Variants in PCDHA6 observed in about 807,000 individuals in gnomAD.
PCDHA6 encodes the protein protocadherin alpha 6.
Under a neutral mutation model 60.3 loss-of-function variants are expected in PCDHA6, and 55 were observed. The observed-to-expected ratio is 0.91, with a 90% CI of 0.73 to 1.14. The LOEUF (loss-of-function observed/expected upper bound fraction) is 1.14. Among genes scored for constraint, PCDHA6 ranks in the 50% most tolerant of loss-of-function variants. The pLI, the probability that PCDHA6 is intolerant of heterozygous loss-of-function variation, is 0.00. For missense variants in PCDHA6, 1,327 were observed against 1,256.5 expected (o/e 1.06, Z -0.85); for synonymous variants, 652 against 557.9 (o/e 1.17, Z -2.38).
chr5:140,979,081 G>A, intron 2 of PCDHA6, 74 bp downstream of exon 2: 1 of 1,564,866 alleles, frequency 6.4e-7, no homozygotes, highest in South Asian at 1.2e-5. Flanking sequence ...CATCTCCATA[G>A]GCCAGAAGCA....
intron 1 of PCDHA6, chr5:140,928,453 T>G (rs528077853): frequency 1.9e-6 from 3 of 1,613,888 alleles, no homozygotes; most frequent in African/African-American, 2.7e-5. Flanking sequence ...GCTCAGGGGG[T>G]TTCATTTCCA....
At chr5:140,974,647 G>GATT (rs2096635431) in intron 1 of PCDHA6, among the ~76,000 whole-genome samples, 1 of 152,068 alleles carries the variant, frequency 6.6e-6, no homozygotes, top group African/African-American at 2.4e-5. Context: ...GAGTAGCTGA[G>GATT]ATTACAGGCA....
At chr5:140,850,070 C>T (rs2041326470) in intron 1 of PCDHA6, 3 of 1,596,448 alleles carry the variant, frequency 1.9e-6, no homozygotes, top group Admixed American at 1.7e-5. Context: ...CGTTGGACCA[C>T]GAGGAGCTGG....
chr5:140,967,364 C>T, intron 1 of PCDHA6: 2 of 1,607,620 alleles, frequency 1.2e-6, no homozygotes, highest in Non-Finnish European at 1.7e-6. Flanking sequence ...CCTTAAGCCC[C>T]TGCAGGAGAA....
At chr5:140,909,025 T>C (rs1226589511) in intron 1 of PCDHA6, among the ~76,000 whole-genome samples, 1 of 152,156 alleles carries the variant, frequency 6.6e-6, no homozygotes, top group African/African-American at 2.4e-5. Context: ...TGAATTTTAG[T>C]CATTTATTTT....
intron 1 of PCDHA6, among the ~76,000 whole-genome samples, chr5:140,899,014 T>C (rs2067098044): frequency 6.6e-6 from 1 of 151,934 alleles, no homozygotes. Context: ...TGTATAAGAA[T>C]GCTTGTGATT....
chr5:140,969,401 T>A, intron 1 of PCDHA6: 1 of 1,579,566 alleles, frequency 6.3e-7, no homozygotes, highest in Non-Finnish European at 8.6e-7. Flanking sequence ...ATCCTGTGAT[T>A]TGGCTTTATT....
chr5:140,985,465 A>T (rs1195143465), intron 3 of PCDHA6, among the ~76,000 whole-genome samples: 1 of 152,126 alleles, frequency 6.6e-6, no homozygotes, highest in Non-Finnish European at 1.5e-5. Flanking sequence ...TGCTCCAAAA[A>T]ATTTGGTTGT....
chr5:140,958,911 G>C (rs1458386566), intron 1 of PCDHA6, among the ~76,000 whole-genome samples: 3 of 151,406 alleles, frequency 2.0e-5, no homozygotes, highest in African/African-American at 7.3e-5. Flanking sequence ...AGAAAAGTCT[G>C]CCTGGGTGTG....
At chr5:140,920,425 C>T (rs1444166830) in intron 1 of PCDHA6, among the ~76,000 whole-genome samples, 1 of 151,960 alleles carries the variant, frequency 6.6e-6, no homozygotes, top group Non-Finnish European at 1.5e-5. Flanking sequence ...GCTGTTCTCC[C>T]ACACACCTCT....
intron 1 of PCDHA6, among the ~76,000 whole-genome samples, chr5:140,909,701 T>A (rs1038404823): frequency 4.6e-4 from 70 of 152,334 alleles, no homozygotes; most frequent in African/African-American, 1.6e-3. Flanking sequence ...TTCTGCTAGC[T>A]GCTAAGTATA....
intron 1 of PCDHA6, among the ~76,000 whole-genome samples, chr5:140,941,034 G>A (rs1384147296): frequency 6.6e-6 from 1 of 151,968 alleles, no homozygotes; most frequent in Non-Finnish European, 1.5e-5. Context: ...GGCCTTTTTG[G>A]TGCCAAGTCA....
rs2060245016 is a variant in PCDHA6 at position 140,884,536 on chromosome 5, G to C, written c.2394+54051G>C. 5 of 1,614,090 alleles carry C rather than the reference G, an allele frequency of 3.1e-6. No individual in the cohort carries two copies. In the East Asian group the frequency reaches 1.1e-4, roughly 36 times the overall value. ...GGTCGTACTCGCAGCAGAGGCGGCC[G>C]AGGGTGTGCTCTGGGGAGGGCCCGC... On this transcript the variant is annotated intron_variant, in intron 1 of 3. Transcript: ENST00000529310.
chr5:140,856,891 C>G (rs1432277991), intron 1 of PCDHA6: 3 of 1,595,930 alleles, frequency 1.9e-6, no homozygotes, highest in African/African-American at 2.7e-5. Context: ...ATTCATTTAG[C>G]TCTTTGGTCC....
intron 1 of PCDHA6, chr5:140,882,175 G>T: frequency 6.6e-7 from 1 of 1,515,152 alleles, no homozygotes; most frequent in Non-Finnish European, 8.8e-7. Flanking sequence ...GAATCCTTCC[G>T]CACTAGGAAG....
chr5:140,934,706 T>G (rs141577289), intron 1 of PCDHA6, among the ~76,000 whole-genome samples: 348 of 152,292 alleles, frequency 2.3e-3, no homozygotes, highest in African/African-American at 8.1e-3. Context: ...CCTGGCCATC[T>G]TACAAAAAGG....
chr5:140,836,316 C>T (rs2150257543), intron 1 of PCDHA6: 5 of 1,613,630 alleles, frequency 3.1e-6, no homozygotes, highest in Non-Finnish European at 4.2e-6. Context: ...CGCACCGCGC[C>T]ACCGCCTTCT....
chr5:140,928,790 G>GGGT, intron 1 of PCDHA6: 2 of 1,614,176 alleles, frequency 1.2e-6, no homozygotes, highest in Non-Finnish European at 1.7e-6. Context: ...GTTAAGCAGA[G>GGGT]GGTGGTGGTA....
chr5:140,834,580 C>A lies in PCDHA6; in HGVS notation c.2394+4095C>A, dbSNP rs782011323. 9 of 1,613,900 alleles carry A rather than the reference C, an allele frequency of 5.6e-6. No homozygotes were observed. The Admixed American group carries it at 8.3e-5, about 15-fold the overall frequency. Reference sequence around the variant, plus strand: ...GAGCTGGTGCCGCGCCTGTTCCGGGCGGTGTGCAAATTCCGTGGGGATCTT... The same window carrying A: ...GAGCTGGTGCCGCGCCTGTTCCGGGAGGTGTGCAAATTCCGTGGGGATCTT... On this transcript the variant is annotated intron_variant, in intron 1 of 3. Coordinates refer to ENST00000529310, the MANE Select transcript of PCDHA6 (RefSeq NM_018909.4).
Sources: gnomAD v4.1 joint callset for allele counts (sites outside exome capture counted in the v4.1 genomes callset) on GRCh38, gnomAD v4.1.1 for gene constraint, MANE v1.5 for transcripts, NCBI Gene and HGNC (gene_info 2026-07-23, HGNC 2026-07-21) for gene names.